GRIP1: variants seen among roughly 807,000 people sequenced by gnomAD.
The protein encoded by GRIP1 is glutamate receptor interacting protein 1.
A neutral mutation model predicts 129.9 loss-of-function variants in GRIP1; 45 were observed. That is an observed-to-expected ratio of 0.35 (90% CI 0.27 to 0.44). GRIP1 has a LOEUF of 0.44. Ranked by LOEUF, GRIP1 falls within the 20% of genes least tolerant of loss-of-function variation. GRIP1 has a pLI of 1.00. For missense variants in GRIP1, 1,196 were observed against 1,396.8 expected (o/e 0.86, Z 2.29); for synonymous variants, 530 against 520.8 (o/e 1.02, Z -0.24).
intron 1 of GRIP1, among the ~76,000 whole-genome samples, chr12:66,896,388 T>C (rs969182501): frequency 6.7e-6 from 1 of 148,382 alleles, no homozygotes; most frequent in East Asian, 2.0e-4. Context: ...CTATGGAGCA[T>C]AGGGAAGCAG....
intron 1 of GRIP1, among the ~76,000 whole-genome samples, chr12:66,620,912 T>C (rs1323831178): frequency 6.6e-6 from 1 of 152,124 alleles, no homozygotes; most frequent in Non-Finnish European, 1.5e-5. Context: ...GCATGATGAT[T>C]CACTTTTCCT....
intron 13 of GRIP1, among the ~76,000 whole-genome samples, chr12:66,443,304 C>T (rs942364310): frequency 3.3e-5 from 5 of 152,282 alleles, no homozygotes; most frequent in Middle Eastern, 3.4e-3. Flanking sequence ...GATATTTAAT[C>T]GAGTTCCTTT....
intron 1 of GRIP1, among the ~76,000 whole-genome samples, chr12:66,692,873 C>T (rs927503338): frequency 5.3e-5 from 8 of 152,178 alleles, no homozygotes; most frequent in Admixed American, 3.3e-4. Flanking sequence ...TCTAGCTACT[C>T]ATAGGATTAT....
intron 1 of GRIP1, among the ~76,000 whole-genome samples, chr12:66,882,990 A>C (rs921117915): frequency 6.6e-6 from 1 of 152,132 alleles, no homozygotes; most frequent in South Asian, 2.1e-4. Flanking sequence ...AGTAAGAAAC[A>C]AAACTGGGAG....
At chr12:67,000,427 T>C (rs896969283) in intron 1 of GRIP1, among the ~76,000 whole-genome samples, 1 of 152,224 alleles carries the variant, frequency 6.6e-6, no homozygotes, top group Non-Finnish European at 1.5e-5. Flanking sequence ...TTACTCTTAT[T>C]GTGTATCTGC....
chr12:66,657,983 A>G (rs1243076069), intron 1 of GRIP1, among the ~76,000 whole-genome samples: 2 of 152,240 alleles, frequency 1.3e-5, no homozygotes, highest in Non-Finnish European at 2.9e-5. Context: ...TTTATTAGTC[A>G]GTAGTTTACA....
At chr12:66,671,684 C>T (rs1256392597) in intron 1 of GRIP1, among the ~76,000 whole-genome samples, 1 of 152,198 alleles carries the variant, frequency 6.6e-6, no homozygotes, top group East Asian at 1.9e-4. Flanking sequence ...AGGGCTGCTT[C>T]TCGCCTCTCC....
At position 66,465,310 on chromosome 12, in the gene GRIP1, G is replaced by A; in HGVS notation, c.837C>T (p.Val279=). 1 of 1,613,904 alleles carries A rather than the reference G, an allele frequency of 6.2e-7. No homozygotes were observed. Among genetic ancestry groups the A allele is most frequent in the Non-Finnish European group, 8.5e-7 (1 of 1,179,782 alleles). ...TACTTGCAGATTTGATTTTGTCTATGACAATGACTTGTTTGTTACAGCACA... is the reference window on the plus strand; with the variant it reads ...TACTTGCAGATTTGATTTTGTCTATAACAATGACTTGTTTGTTACAGCACA... ...TSMCCNKQVI[V]IDKIKSASIA... is the part of the protein sequence containing the mutation. The change falls in exon 8 of 25, where the codon GTC becomes GTT. Residue 279 remains valine, a synonymous_variant. Coordinates refer to ENST00000359742, the MANE Select transcript of GRIP1 (RefSeq NM_001366722.1).
chr12:66,420,607 G>T, intron 15 of GRIP1, 113 bp downstream of exon 15: 1 of 736,270 alleles, frequency 1.4e-6, no homozygotes. Context: ...CTGCTTGGAA[G>T]TTTTTGAAAA....
intron 1 of GRIP1, among the ~76,000 whole-genome samples, chr12:66,978,255 G>C (rs1469492121): frequency 6.6e-6 from 1 of 152,072 alleles, no homozygotes; most frequent in Non-Finnish European, 1.5e-5. Flanking sequence ...AAAGTGCATA[G>C]TCACACATAG....
At chr12:66,969,837 A>G (rs2042047333) in intron 1 of GRIP1, among the ~76,000 whole-genome samples, 1 of 152,096 alleles carries the variant, frequency 6.6e-6, no homozygotes, top group Admixed American at 6.6e-5. Context: ...CTTCAGAGGC[A>G]TTCTTCATTT....
At chr12:66,692,370 G>A (rs1438959524) in intron 1 of GRIP1, among the ~76,000 whole-genome samples, 1 of 152,184 alleles carries the variant, frequency 6.6e-6, no homozygotes, top group Non-Finnish European at 1.5e-5. Flanking sequence ...GGAGAATTAA[G>A]CTGTCCCTTC....
intron 1 of GRIP1, among the ~76,000 whole-genome samples, chr12:66,910,468 T>G (rs1324533545): frequency 6.6e-6 from 1 of 152,150 alleles, no homozygotes; most frequent in Non-Finnish European, 1.5e-5. Context: ...CCACCAAATC[T>G]GTATTGAAAC....
At chr12:66,979,697 G>A (rs1299628570) in intron 1 of GRIP1, among the ~76,000 whole-genome samples, 1 of 152,162 alleles carries the variant, frequency 6.6e-6, no homozygotes, top group Non-Finnish European at 1.5e-5. Flanking sequence ...AAGTTAAGAT[G>A]AAGTCATTAG....
chr12:66,544,777 T>C (rs1054965527), intron 2 of GRIP1, among the ~76,000 whole-genome samples: 1 of 152,182 alleles, frequency 6.6e-6, no homozygotes, highest in African/African-American at 2.4e-5. Context: ...AGGAACCTGC[T>C]TTTGGAGTTT....
intron 7 of GRIP1, among the ~76,000 whole-genome samples, chr12:66,482,176 T>A (rs1005736848): frequency 6.6e-6 from 1 of 152,058 alleles, no homozygotes; most frequent in Non-Finnish European, 1.5e-5. Flanking sequence ...TGTCAAAAGA[T>A]CCACAGAAGG....
At chr12:66,367,432 G>A (rs1346219492) in intron 23 of GRIP1, among the ~76,000 whole-genome samples, 1 of 152,172 alleles carries the variant, frequency 6.6e-6, no homozygotes, top group Non-Finnish European at 1.5e-5. Context: ...TTGCTAAAAT[G>A]TAGATTCTCG....
intron 15 of GRIP1, among the ~76,000 whole-genome samples, chr12:66,416,608 C>G (rs933595012): frequency 3.9e-5 from 6 of 152,132 alleles, no homozygotes; most frequent in African/African-American, 1.4e-4. Flanking sequence ...TTCAAAGGAT[C>G]ATTAGTGGCT....
Position 66,688,872 on chromosome 12 carries a change from G to A in GRIP1, c.-419-58536C>T, listed in dbSNP as rs957286385. 3.3e-5 allele frequency among the ~76,000 whole-genome samples: 5 copies of A among 152,180 alleles called. No individual in the cohort carries two copies. In the East Asian group the frequency reaches 5.8e-4, roughly 18 times the overall value. Reference sequence around the variant, plus strand: ...AAAGGGCTCTATAAAAATGGGCGCCGTGAAAAACCATGGAAAAGATAAAAG... The same window carrying A: ...AAAGGGCTCTATAAAAATGGGCGCCATGAAAAACCATGGAAAAGATAAAAG... On this transcript the variant is annotated intron_variant, in intron 1 of 4. Coordinates refer to the GRIP1 transcript ENST00000538373.
Sources: allele counts gnomAD v4.1 joint callset (sites outside exome capture counted in the v4.1 genomes callset), GRCh38; gene constraint gnomAD v4.1.1; transcripts MANE v1.5; gene names NCBI Gene and HGNC (gene_info 2026-07-23, HGNC 2026-07-21).